The following CCDC138 variants were observed in gnomAD, a reference collection of about 807,000 sequenced individuals.
CCDC138 encodes coiled-coil domain containing 138.
Under a neutral mutation model 82.3 loss-of-function variants are expected in CCDC138, and 66 were observed. That is an observed-to-expected ratio of 0.80 (90% CI 0.66 to 0.98). The LOEUF (loss-of-function observed/expected upper bound fraction) is 0.98, where lower values mean the gene tolerates loss of function less well. Ranked by LOEUF, CCDC138 falls within the 50% of genes least tolerant of loss-of-function variation. CCDC138 has a pLI of 0.00. For synonymous variants in CCDC138, 297 were observed against 265.4 expected (o/e 1.12, Z -1.16); for missense variants, 816 against 758.9 (o/e 1.08, Z -0.88).
At chr2:108,849,347 A>G (rs958279820) in intron 12 of CCDC138, among the ~76,000 whole-genome samples, 1 of 152,198 alleles carries the variant, frequency 6.6e-6, no homozygotes, top group Non-Finnish European at 1.5e-5. Flanking sequence ...AAACACACAA[A>G]TCCAAGGAGC....
At chr2:108,809,012 G>T (rs181113630) in intron 7 of CCDC138, among the ~76,000 whole-genome samples, 2 of 152,124 alleles carry the variant, frequency 1.3e-5, no homozygotes, top group South Asian at 2.1e-4. Context: ...GGGAGATGGG[G>T]GTCTAGTTTT....
Position 108,786,806 on chromosome 2 carries a change from T to A in CCDC138, c.-17T>A. 1.3e-6 allele frequency: 2 copies of A among 1,578,136 alleles called. No individual in the cohort carries two copies. Among genetic ancestry groups the A allele is most frequent in the Non-Finnish European group, 1.7e-6 (2 of 1,162,282 alleles). ...TGAACGCGGTTCCCGGGGAGACTGG[T>A]ACGGTTGCTGTGTGCTATGGAGCCG... On this transcript the variant is annotated 5_prime_UTR_variant, in exon 1 of 15. Transcript: ENST00000295124.
chr2:108,879,314 G>A (rs531666044), downstream of CCDC138, among the ~76,000 whole-genome samples: 3 of 152,194 alleles, frequency 2.0e-5, no homozygotes, highest in South Asian at 2.1e-4. Flanking sequence ...TTTTTAAAAT[G>A]GCTGCAAGTC....
chr2:108,846,833 T>C lies in CCDC138; in HGVS notation c.1419T>C (p.Ser473=), dbSNP rs1690577411. Residue 473 remains serine, a synonymous_variant, in exon 12 of 15, where the codon TCT becomes TCC. Coordinates refer to ENST00000295124, the MANE Select transcript of CCDC138 (RefSeq NM_144978.3). ...KGIQDNSPQH[S]VENKPKTAAF... ...TTCAGGATAATTCTCCACAGCATTCTGTGGAGAATAAACCAAAGACAGCTG... is the reference window on the plus strand; with the variant it reads ...TTCAGGATAATTCTCCACAGCATTCCGTGGAGAATAAACCAAAGACAGCTG... The C allele has an allele frequency of 6.2e-7, 1 of 1,613,390 alleles. No individual in the cohort carries two copies. Among genetic ancestry groups the C allele is most frequent in the Non-Finnish European group, 8.5e-7 (1 of 1,179,568 alleles).
intron 10 of CCDC138, among the ~76,000 whole-genome samples, chr2:108,827,849 A>T (rs926950428): frequency 2.0e-5 from 3 of 151,630 alleles, no homozygotes; most frequent in African/African-American, 7.3e-5. Context: ...AAATTTAAAG[A>T]TTACATTACA....
At chr2:108,807,090 G>A (rs1452197692) in intron 7 of CCDC138, among the ~76,000 whole-genome samples, 1 of 152,080 alleles carries the variant, frequency 6.6e-6, no homozygotes, top group South Asian at 2.1e-4. Context: ...AAATTAATAA[G>A]CATGTCAAAA....
At chr2:108,786,968 C>A in intron 1 of CCDC138, 53 bp downstream of exon 1, 1 of 1,256,528 alleles carries the variant, frequency 8.0e-7, no homozygotes, top group Non-Finnish European at 1.1e-6. Flanking sequence ...GGGGGGCGGC[C>A]CGCTCCGTGC....
At chr2:108,830,126 A>G (rs755219315) in intron 10 of CCDC138, among the ~76,000 whole-genome samples, 1 of 152,210 alleles carries the variant, frequency 6.6e-6, no homozygotes, top group Non-Finnish European at 1.5e-5. Flanking sequence ...ATGAACCCTG[A>G]AGCTATTGTA....
At chr2:108,821,018 T>TA (rs35010202) in intron 10 of CCDC138, among the ~76,000 whole-genome samples, 119,722 of 151,968 alleles carry the variant, frequency 0.79, 47,589 homozygotes, top group East Asian at 0.95. Flanking sequence ...ACAAAAGTAT[T>TA]AAAAAAAACT....
At chr2:108,858,699 TC>T (rs1158573231) in intron 13 of CCDC138, among the ~76,000 whole-genome samples, 30 of 152,032 alleles carry the variant, frequency 2.0e-4, no homozygotes, top group Non-Finnish European at 3.8e-4. Flanking sequence ...GCTATTTTTT[TC>T]TTTTTTTTTT....
chr2:108,883,703 G>T (rs927390541), intron 2 of CCDC138: 3 of 152,296 alleles, frequency 2.0e-5, no homozygotes, highest in Admixed American at 6.5e-5. Context: ...GCCAGTGGGG[G>T]TTGCCATCAG....
intron 11 of CCDC138, among the ~76,000 whole-genome samples, chr2:108,841,280 G>T (rs1486450905): frequency 6.6e-6 from 1 of 152,248 alleles, no homozygotes; most frequent in Middle Eastern, 3.4e-3. Flanking sequence ...TGATCCTGTT[G>T]GTTGATGGTG....
At chr2:108,795,789 A>G (rs1680765498) in intron 5 of CCDC138, among the ~76,000 whole-genome samples, 2 of 152,310 alleles carry the variant, frequency 1.3e-5, no homozygotes, top group East Asian at 1.9e-4. Context: ...TGATTGTCCA[A>G]TTGTGCATTT....
At chr2:108,882,326 A>C (rs1696315362) in intron 1 of CCDC138, 1 of 152,200 alleles carries the variant, frequency 6.6e-6, no homozygotes, top group Admixed American at 6.5e-5. Flanking sequence ...ACAAATCTTC[A>C]ATTTGTAAAA....
intron 5 of CCDC138, among the ~76,000 whole-genome samples, chr2:108,795,150 A>ATTTTTTTTTTTTTTTTT (rs11458525): frequency 4.7e-5 from 4 of 85,012 alleles, no homozygotes; most frequent in Non-Finnish European, 6.2e-5. Context: ...TCTAAAGTGT[A>ATTTTTTTTTTTTTTTTT]TTTTTTTTTT....
intron 14 of CCDC138, among the ~76,000 whole-genome samples, chr2:108,875,850 C>A (rs1055080960): frequency 6.6e-6 from 1 of 152,098 alleles, no homozygotes; most frequent in African/African-American, 2.4e-5. Context: ...AGAATAAGAC[C>A]TTATCTCAAA....
exon 3 of CCDC138, chr2:108,885,182 T>C (rs897783627): frequency 3.9e-5 from 6 of 152,252 alleles, no homozygotes; most frequent in Admixed American, 3.9e-4. Flanking sequence ...TGCTGGACTT[T>C]GGTTTTTCAT....
chr2:108,853,177 C>T (rs1238613990), intron 12 of CCDC138, among the ~76,000 whole-genome samples: 1 of 152,124 alleles, frequency 6.6e-6, no homozygotes, highest in Non-Finnish European at 1.5e-5. Flanking sequence ...TGAACATCAA[C>T]CGAGTTCTTG....
chr2:108,792,234 G>T (rs951933195), intron 4 of CCDC138, among the ~76,000 whole-genome samples: 1 of 152,158 alleles, frequency 6.6e-6, no homozygotes, highest in Non-Finnish European at 1.5e-5. Context: ...TGGGCTACAA[G>T]ACTTTGAGTT....
Sources: gnomAD v4.1 joint callset for allele counts (sites outside exome capture counted in the v4.1 genomes callset) on GRCh38, gnomAD v4.1.1 for gene constraint, MANE v1.5 for transcripts, NCBI Gene and HGNC (gene_info 2026-07-23, HGNC 2026-07-21) for gene names.